Variants in PLEKHA3 observed in about 807,000 individuals in gnomAD.
PLEKHA3 encodes pleckstrin homology domain-containing family A member 3.
A neutral mutation model predicts 39.2 loss-of-function variants in PLEKHA3; 19 were observed. That is an observed-to-expected ratio of 0.48 (90% CI 0.34 to 0.71). The LOEUF is 0.71. PLEKHA3 is among the 30% of genes least tolerant of loss of function. PLEKHA3 has a pLI of 0.01. For missense variants in PLEKHA3, 253 were observed against 359.5 expected (o/e 0.70, Z 2.40); for synonymous variants, 97 against 118.6 (o/e 0.82, Z 1.18).
chr2:178,508,204 T>A lies in PLEKHA3; in HGVS notation c.*4317T>A, dbSNP rs562101774. 4 of 153,566 alleles carry A rather than the reference T, an allele frequency of 2.6e-5. No individual in the cohort carries two copies. The East Asian group carries it at 7.7e-4, about 30-fold the overall frequency. The allele number at this position is 153,566 out of a possible 1,614,324, so 9.5% of individuals were successfully genotyped here. A position where few individuals can be genotyped will look rare whatever the true frequency, so the allele number is the denominator to read the frequency against. Reference sequence around the variant, plus strand: ...CCGCCTCTAAATTTAAAAAGCTTTTTCTCTCTAGTTGTTCCTTAAGTTATA... The same window carrying A: ...CCGCCTCTAAATTTAAAAAGCTTTTACTCTCTAGTTGTTCCTTAAGTTATA... On this transcript the variant is annotated 3_prime_UTR_variant, in exon 8 of 8. Coordinates refer to ENST00000234453, the MANE Select transcript of PLEKHA3 (RefSeq NM_019091.4).
At chr2:178,485,048 C>T (rs1466207101) in intron 1 of PLEKHA3, among the ~76,000 whole-genome samples, 2 of 152,176 alleles carry the variant, frequency 1.3e-5, no homozygotes, top group African/African-American at 4.8e-5. Flanking sequence ...ATTTAGCACT[C>T]ATTGTGTTTA....
chr2:178,502,933 T>G (rs1685548928), intron 7 of PLEKHA3, among the ~76,000 whole-genome samples: 1 of 152,014 alleles, frequency 6.6e-6, no homozygotes. Context: ...GTTTAGTGTT[T>G]CAATTAGCTG....
chr2:178,485,328 T>G (rs1041613259), intron 1 of PLEKHA3, among the ~76,000 whole-genome samples: 1 of 152,206 alleles, frequency 6.6e-6, no homozygotes, highest in Non-Finnish European at 1.5e-5. Context: ...AGGGCAGTTA[T>G]GCTATACCCG....
chr2:178,494,591 C>T (rs985019303), intron 4 of PLEKHA3, among the ~76,000 whole-genome samples: 2 of 152,130 alleles, frequency 1.3e-5, no homozygotes, highest in African/African-American at 4.8e-5. Context: ...TGGCCTTCTC[C>T]TGTTGGGGAG....
chr2:178,484,485 T>C (rs1685216639), intron 1 of PLEKHA3, among the ~76,000 whole-genome samples: 1 of 152,186 alleles, frequency 6.6e-6, no homozygotes, highest in Admixed American at 6.5e-5. Flanking sequence ...TAAATCCTTT[T>C]GGGGAATTAA....
chr2:178,488,329 T>G (rs1685286200), intron 2 of PLEKHA3, among the ~76,000 whole-genome samples: 1 of 152,266 alleles, frequency 6.6e-6, no homozygotes, highest in South Asian at 2.1e-4. Flanking sequence ...GTTCTTCATT[T>G]CAGTGAAATC....
chr2:178,513,426 GA>G lies in PLEKHA3; in HGVS notation c.*9540del, dbSNP rs1418009500. 1.3e-5 allele frequency: 2 copies of G among 152,164 alleles called. No homozygotes were observed. Among genetic ancestry groups the G allele is most frequent in the African/African-American group, 2.4e-5 (1 of 41,438 alleles). 9.4% of individuals were successfully genotyped at this position (152,164 alleles called of 1,614,324 possible). Reference sequence around the variant, plus strand: ...TTCTGACCCCTATTATTGTTGGCTGGACAGGCATTTTCTTTTTAATTCCTCT... The same window carrying G: ...TTCTGACCCCTATTATTGTTGGCTGGCAGGCATTTTCTTTTTAATTCCTCT... On this transcript the variant is annotated 3_prime_UTR_variant, in exon 8 of 8. Coordinates refer to ENST00000234453, the MANE Select transcript of PLEKHA3 (RefSeq NM_019091.4).
In PLEKHA3 at chr2:178,505,141, T is replaced by C. The variant is rs1685585135; in HGVS notation, c.*1254T>C. ...GGCACTAATATAATTCTAATGGATT[T>C]GAGTTTGTTTGTATATTTAGGCCTG... On this transcript the variant is annotated 3_prime_UTR_variant, in exon 8 of 8. Transcript: ENST00000234453. The C allele has an allele frequency of 6.6e-6, 1 of 152,448 alleles. No individual in the cohort carries two copies. The highest frequency in any genetic ancestry group is 2.4e-5 in the African/African-American group (1 of 41,454). The allele number at this position is 152,448 out of a possible 1,614,324, so 9.4% of individuals were successfully genotyped here. A position where few individuals can be genotyped will look rare whatever the true frequency, so the allele number is the denominator to read the frequency against.
chr2:178,502,587 C>T (rs981468164), intron 7 of PLEKHA3: 9 of 162,428 alleles, frequency 5.5e-5, no homozygotes, highest in Non-Finnish European at 1.0e-4. Context: ...GTTTTAAGTG[C>T]GACATCTTTT....
intron 7 of PLEKHA3, chr2:178,502,406 A>G: frequency 2.4e-6 from 1 of 421,848 alleles, no homozygotes; most frequent in South Asian, 1.7e-5. Flanking sequence ...GGGCCAATCA[A>G]GCAAGACCTG....
intron 2 of PLEKHA3, among the ~76,000 whole-genome samples, chr2:178,489,451 CTTT>C (rs71023445): frequency 1.2e-5 from 1 of 82,366 alleles, no homozygotes; most frequent in Non-Finnish European, 2.2e-5. Flanking sequence ...TCTTTTCCTT[CTTT>C]TTTTTTTTTT....
Position 178,480,799 on chromosome 2 carries a change from A to T in PLEKHA3, c.-71A>T. 1 of 1,267,810 alleles carries T rather than the reference A, an allele frequency of 7.9e-7. No homozygotes were observed. 78.5% of individuals were successfully genotyped at this position (1,267,810 alleles called of 1,614,324 possible). On this transcript the variant is annotated 5_prime_UTR_variant, in exon 1 of 8. Coordinates refer to ENST00000234453, the MANE Select transcript of PLEKHA3 (RefSeq NM_019091.4). The stretch of plus-strand genomic sequence containing the variant: ...CGGGCGGGCCGGGAGGGGCTGCCCC[A>T]GGCCCTGCGCCTACCCCATCACCGC...
rs547269569 is a variant in PLEKHA3 at position 178,505,444 on chromosome 2, A to G, written c.*1557A>G. ...CACACAGGTCATCAGACTACTCTAT[A>G]TTCAGTGGAGTCTTTGCCTGCTCAT... is the stretch of plus-strand genomic sequence containing the variant. On this transcript the variant is annotated 3_prime_UTR_variant, in exon 8 of 8. Transcript: ENST00000234453. 12 of 151,884 alleles carry G rather than the reference A, an allele frequency of 7.9e-5. No homozygotes were observed. Among genetic ancestry groups the G allele is most frequent in the Non-Finnish European group, 1.6e-4 (11 of 67,830 alleles). 9.4% of individuals were successfully genotyped at this position (151,884 alleles called of 1,614,324 possible).
At position 178,499,211 on chromosome 2, in the gene PLEKHA3, A is replaced by G. The variant is rs1289433037; in HGVS notation, c.616A>G (p.Met206Val). 1 of 1,602,476 alleles carries G rather than the reference A, an allele frequency of 6.2e-7. No individual in the cohort carries two copies. The highest frequency in any genetic ancestry group is 1.7e-5 in the Admixed American group (1 of 58,468). The part of the protein sequence containing the change: ...SPVSPSPVQM[M>V]KRSVSHPGSC... ...TTTTTTTTTTTTCCAAAATTTCTAG[A>G]TGAAGCGTTCTGTCAGCCACCCTGG... The change falls in exon 6 of 8, where the codon ATG (methionine) becomes GTG (valine). Residue 206 changes from methionine (M) to valine (V), a missense_variant and splice_region_variant. Met to Val is a conservative substitution (Grantham distance 21). This residue lies in a region of PLEKHA3 where 127 missense variants were observed against 136.8 expected (regional missense o/e 0.93). Transcript: ENST00000234453.
In PLEKHA3 at chr2:178,493,767, T is replaced by C. The variant is rs1376721798; in HGVS notation, c.314-86T>C. 13 of 1,223,508 alleles carry C rather than the reference T, an allele frequency of 1.1e-5. No individual in the cohort carries two copies. In the Admixed American group the frequency reaches 3.0e-4, roughly 29 times the overall value. 75.8% of individuals were successfully genotyped at this position (1,223,508 alleles called of 1,614,324 possible). A position where few individuals can be genotyped will look rare whatever the true frequency, so the allele number is the denominator to read the frequency against. ...CTTGAGCTATAGGTATTTATATTCATTGCTTTTTTAAATGATTACATTTTG... is the reference window on the plus strand; with the variant it reads ...CTTGAGCTATAGGTATTTATATTCACTGCTTTTTTAAATGATTACATTTTG... On this transcript the variant is annotated intron_variant, in intron 3 of 7. Coordinates refer to ENST00000234453, the MANE Select transcript of PLEKHA3 (RefSeq NM_019091.4).
Position 178,511,816 on chromosome 2 carries a change from C to A in PLEKHA3, c.*7929C>A, listed in dbSNP as rs1685692461. The A allele has an allele frequency of 6.6e-6, 1 of 152,298 alleles. No individual in the cohort carries two copies. The highest frequency in any genetic ancestry group is 1.5e-5 in the Non-Finnish European group (1 of 68,132). 9.4% of individuals were successfully genotyped at this position (152,298 alleles called of 1,614,324 possible). A position where few individuals can be genotyped will look rare whatever the true frequency, so the allele number is the denominator to read the frequency against. On this transcript the variant is annotated 3_prime_UTR_variant, in exon 8 of 8. Coordinates refer to ENST00000234453, the MANE Select transcript of PLEKHA3 (RefSeq NM_019091.4). ...TACAGGCGGGAGCCACCGTGCCTGA[C>A]CTGACCTCTCCATCTTTGGCGTCCT...
chr2:178,489,148 C>A, intron 2 of PLEKHA3: 1 of 297,440 alleles, frequency 3.4e-6, no homozygotes, highest in South Asian at 3.0e-5. Flanking sequence ...AAGAGTTACT[C>A]TTATAGCTTT....
chr2:178,500,919 T>C, intron 6 of PLEKHA3, 142 bp from the exon 7 acceptor site: 1 of 628,030 alleles, frequency 1.6e-6, no homozygotes, highest in Non-Finnish European at 2.8e-6. Context: ...TTTTGACTTC[T>C]GAGTAGAATG....
intron 2 of PLEKHA3, among the ~76,000 whole-genome samples, chr2:178,488,595 C>T (rs1432448894): frequency 6.6e-6 from 1 of 152,090 alleles, no homozygotes; most frequent in Non-Finnish European, 1.5e-5. Context: ...GTTGTTAATC[C>T]TTGTGCAGAT....
Sources: gnomAD v4.1 joint callset for allele counts (sites outside exome capture counted in the v4.1 genomes callset) on GRCh38, gnomAD v4.1.1 for gene constraint, gnomAD v4.1.1 regional missense constraint, MANE v1.5 for transcripts, NCBI Gene and HGNC (gene_info 2026-07-23, HGNC 2026-07-21) for gene names.